Variants in PDE4D observed in about 807,000 individuals in gnomAD.
The protein encoded by PDE4D is 3',5'-cyclic-AMP phosphodiesterase 4D.
Under a neutral mutation model 87.4 loss-of-function variants are expected in PDE4D, and 24 were observed. That is an observed-to-expected ratio of 0.27 (90% CI 0.20 to 0.39). The LOEUF (loss-of-function observed/expected upper bound fraction) is 0.39, where lower values mean the gene tolerates loss of function less well. PDE4D is among the 10% of genes least tolerant of loss of function. The probability of loss-of-function intolerance (pLI) is 1.00; values close to 1 mark genes in which losing one functional copy is unlikely to be tolerated. For synonymous variants in PDE4D, 384 were observed against 383.2 expected (o/e 1.00, Z -0.02); for missense variants, 714 against 1,041.0 (o/e 0.69, Z 4.32).
At chr5:60,441,589 G>A (rs1745216915) in intron 1 of PDE4D, among the ~76,000 whole-genome samples, 1 of 152,098 alleles carries the variant, frequency 6.6e-6, no homozygotes, top group African/African-American at 2.4e-5. Context: ...AGACAAATGG[G>A]ATCTAATTAA....
At chr5:59,181,048 T>C (rs1380941461) in intron 4 of PDE4D, among the ~76,000 whole-genome samples, 2 of 152,212 alleles carry the variant, frequency 1.3e-5, no homozygotes, top group Admixed American at 1.3e-4. Flanking sequence ...TAAATTCTCG[T>C]GATTGCCTGT....
chr5:60,265,409 AC>A (rs1230711595), intron 1 of PDE4D, among the ~76,000 whole-genome samples: 1 of 152,202 alleles, frequency 6.6e-6, no homozygotes, highest in African/African-American at 2.4e-5. Flanking sequence ...ATAAGCAGAT[AC>A]TGGGCCTGGT....
At chr5:59,386,682 C>T (rs1460686102) in intron 1 of PDE4D, among the ~76,000 whole-genome samples, 6 of 75,516 alleles carry the variant, frequency 7.9e-5, no homozygotes, top group Admixed American at 3.5e-4. Flanking sequence ...GGCAGGGCAG[C>T]GCAGGAGGAA....
At chr5:59,834,777 C>A (rs1741755353) in intron 1 of PDE4D, among the ~76,000 whole-genome samples, 1 of 152,008 alleles carries the variant, frequency 6.6e-6, no homozygotes, top group African/African-American at 2.4e-5. Context: ...AATTAATGAA[C>A]AGCATATTAG....
chr5:60,281,094 G>A (rs1232880056), intron 1 of PDE4D, among the ~76,000 whole-genome samples: 2 of 151,976 alleles, frequency 1.3e-5, no homozygotes, highest in Admixed American at 6.6e-5. Context: ...TACAAGGTCA[G>A]GGGGAGCTAA....
At chr5:59,619,126 G>T (rs1345690598) in intron 1 of PDE4D, among the ~76,000 whole-genome samples, 1 of 152,120 alleles carries the variant, frequency 6.6e-6, no homozygotes, top group African/African-American at 2.4e-5. Context: ...GATTGGACAT[G>T]AGGGATAAAT....
At chr5:59,431,100 A>AT (rs956831836) in intron 1 of PDE4D, among the ~76,000 whole-genome samples, 1 of 151,836 alleles carries the variant, frequency 6.6e-6, no homozygotes, top group Non-Finnish European at 1.5e-5. Context: ...GATGATACAC[A>AT]TTTTTTTTCC....
chr5:59,161,108 G>T (rs879641634), intron 5 of PDE4D, among the ~76,000 whole-genome samples: 1 of 97,734 alleles, frequency 1.0e-5, no homozygotes, highest in Non-Finnish European at 2.1e-5. Flanking sequence ...TCCCACCCCC[G>T]CCAACAAAAA....
At chr5:59,960,583 T>C (rs914485718) in intron 3 of PDE4D, among the ~76,000 whole-genome samples, 1 of 152,132 alleles carries the variant, frequency 6.6e-6, no homozygotes, top group Non-Finnish European at 1.5e-5. Flanking sequence ...AGCCATTGAA[T>C]GAATGAATGA....
At chr5:59,817,720 G>A (rs749999371) in intron 1 of PDE4D, among the ~76,000 whole-genome samples, 2 of 150,828 alleles carry the variant, frequency 1.3e-5, no homozygotes, top group Non-Finnish European at 3.0e-5. Context: ...ATGCAGGCAC[G>A]CGCGCGCGCG....
At chr5:60,227,717 T>C (rs1376786145) in intron 1 of PDE4D, among the ~76,000 whole-genome samples, 4 of 152,044 alleles carry the variant, frequency 2.6e-5, no homozygotes, top group Admixed American at 2.0e-4. Context: ...GCACATTCAC[T>C]CTTGGCCTCT....
chr5:59,924,514 C>T (rs560274233), intron 3 of PDE4D, among the ~76,000 whole-genome samples: 1 of 149,964 alleles, frequency 6.7e-6, no homozygotes, highest in African/African-American at 2.5e-5. Context: ...TATATAGTGG[C>T]GCTCCAAAAT....
At chr5:60,290,334 C>A (rs1752783868) in intron 1 of PDE4D, among the ~76,000 whole-genome samples, 1 of 151,888 alleles carries the variant, frequency 6.6e-6, no homozygotes. Flanking sequence ...TTCTGAAGAT[C>A]TCAAGGAAAC....
At chr5:59,157,850 A>G (rs1431331692) in intron 5 of PDE4D, among the ~76,000 whole-genome samples, 2 of 152,224 alleles carry the variant, frequency 1.3e-5, no homozygotes, top group Non-Finnish European at 2.9e-5. Flanking sequence ...AGCCAGACTG[A>G]TGGAACAAAG....
At chr5:59,685,522 C>G (rs182946887) in intron 1 of PDE4D, among the ~76,000 whole-genome samples, 1 of 152,106 alleles carries the variant, frequency 6.6e-6, no homozygotes, top group African/African-American at 2.4e-5. Flanking sequence ...TTGTTAGGCA[C>G]TGAAAAAATT....
In PDE4D at chr5:60,179,249, G is replaced by A. The variant is rs1016056566; in HGVS notation, c.42+6308C>T. ...AGGGTCTCTCTAACTATATACCAAC[G>A]AACCATTCTTGGCCTTGCTGTCATG... On this transcript the variant is annotated intron_variant, in intron 2 of 16. Transcript: ENST00000502484. Among the ~76,000 whole-genome samples the A allele has an allele frequency of 4.6e-5, 7 of 151,984 alleles. No individual in the cohort carries two copies. The East Asian group carries it at 7.7e-4, about 17-fold the overall frequency.
intron 2 of PDE4D, among the ~76,000 whole-genome samples, chr5:59,203,659 G>C (rs7724814): frequency 0.31 from 47,268 of 151,882 alleles, 7,612 homozygotes; most frequent in African/African-American, 0.36. Context: ...ATCCTACTCA[G>C]GCTTAAAAAG....
intron 1 of PDE4D, among the ~76,000 whole-genome samples, chr5:59,425,924 C>T (rs1382978380): frequency 6.6e-6 from 1 of 152,048 alleles, no homozygotes; most frequent in African/African-American, 2.4e-5. Flanking sequence ...ATGCTGAAGC[C>T]CTAAATACCA....
rs1434383224 is a variant in PDE4D at position 59,167,969 on chromosome 5, C to G, written c.808+12626G>C. Among the ~76,000 whole-genome samples the G allele has an allele frequency of 2.6e-5, 4 of 151,886 alleles. No individual in the cohort carries two copies. In the South Asian group the frequency reaches 8.3e-4, roughly 32 times the overall value. On this transcript the variant is annotated intron_variant, in intron 5 of 14. Coordinates refer to ENST00000340635, the MANE Select transcript of PDE4D (RefSeq NM_001104631.2). ...CAATATGCAAACATCAGAAACATAT[C>G]CAGAAAAGAATGTCATAAACACCCA...
Sources: allele counts gnomAD v4.1 joint callset (sites outside exome capture counted in the v4.1 genomes callset), GRCh38; gene constraint gnomAD v4.1.1; transcripts MANE v1.5; gene names NCBI Gene and HGNC (gene_info 2026-07-23, HGNC 2026-07-21).